OPCML: variants seen among roughly 807,000 people sequenced by gnomAD.
The protein encoded by OPCML is opioid binding protein/cell adhesion molecule like, also known as opioid-binding protein/cell adhesion molecule.
In OPCML, 13 loss-of-function variants were observed where a neutral mutation model predicts 37.8. That is an observed-to-expected ratio of 0.34 (90% CI 0.22 to 0.55). The LOEUF is 0.55. Among genes scored for constraint, OPCML ranks in the 20% least tolerant of loss-of-function variants. The probability of loss-of-function intolerance (pLI) is 0.91; values close to 1 mark genes in which losing one functional copy is unlikely to be tolerated. For missense variants in OPCML, 341 were observed against 435.6 expected, an observed-to-expected ratio of 0.78 and a Z score of 1.93; for synonymous variants, 176 against 168.8, an observed-to-expected ratio of 1.04 and a Z score of -0.33.
chr11:133,134,593 G>C (rs1011718162), intron 1 of OPCML, among the ~76,000 whole-genome samples: 3 of 152,216 alleles, frequency 2.0e-5, no homozygotes, highest in African/African-American at 7.2e-5. Flanking sequence ...CTCTCTTCCT[G>C]CTGCGTCGCC....
At chr11:132,809,964 C>G (rs1383211746) in intron 2 of OPCML, among the ~76,000 whole-genome samples, 1 of 152,202 alleles carries the variant, frequency 6.6e-6, no homozygotes. Context: ...ATTCTCCTGC[C>G]TCAGCCTCCC....
intron 1 of OPCML, among the ~76,000 whole-genome samples, chr11:133,138,382 G>A (rs1313485181): frequency 1.8e-4 from 27 of 152,148 alleles, no homozygotes; most frequent in Admixed American, 1.8e-3. Flanking sequence ...AAGACAAGGG[G>A]TACCTCTGTT....
intron 2 of OPCML, among the ~76,000 whole-genome samples, chr11:132,691,764 T>C (rs1943414691): frequency 6.6e-6 from 1 of 152,260 alleles, no homozygotes; most frequent in Non-Finnish European, 1.5e-5. Flanking sequence ...TGTCATGATT[T>C]AAATGTTCAT....
intron 1 of OPCML, among the ~76,000 whole-genome samples, chr11:133,044,295 C>A (rs1024265392): frequency 6.6e-6 from 1 of 152,098 alleles, no homozygotes; most frequent in South Asian, 2.1e-4. Context: ...AGATTCGAGG[C>A]AAAGGATTTC....
intron 2 of OPCML, among the ~76,000 whole-genome samples, chr11:132,898,217 C>T (rs192232103): frequency 1.3e-3 from 191 of 152,318 alleles, no homozygotes; most frequent in Non-Finnish European, 2.2e-3. Context: ...CAGCCAGCTA[C>T]GTGGTGGCAA....
chr11:133,015,363 GGGAGGAAT>G (rs1947301499), intron 1 of OPCML, among the ~76,000 whole-genome samples: 1 of 140,576 alleles, frequency 7.1e-6, no homozygotes, highest in South Asian at 2.3e-4. Flanking sequence ...GAGGAAGGAA[GGGAGGAAT>G]GAAGGAAGGA....
At chr11:132,663,070 A>G (rs560673025) in intron 2 of OPCML, among the ~76,000 whole-genome samples, 2 of 152,350 alleles carry the variant, frequency 1.3e-5, no homozygotes, top group Admixed American at 1.3e-4. Context: ...TTAAATCTCT[A>G]ATTCAGACTC....
At chr11:132,850,204 G>A (rs771439400) in intron 2 of OPCML, among the ~76,000 whole-genome samples, 32 of 152,164 alleles carry the variant, frequency 2.1e-4, no homozygotes, top group Non-Finnish European at 4.3e-4. Flanking sequence ...GTGTCCATCA[G>A]GATGTGCATC....
intron 3 of OPCML, among the ~76,000 whole-genome samples, chr11:132,592,521 T>C (rs61109203): frequency 0.03 from 4,534 of 152,300 alleles, 246 homozygotes; most frequent in African/African-American, 0.1. Flanking sequence ...GCCAAGACTT[T>C]GAGCTGTCTG....
chr11:133,353,556 C>A (rs927879533), intron 1 of OPCML, among the ~76,000 whole-genome samples: 1 of 152,134 alleles, frequency 6.6e-6, no homozygotes, highest in African/African-American at 2.4e-5. Flanking sequence ...TTGATGGGGG[C>A]CACAGAAACA....
intron 1 of OPCML, chr11:133,006,307 T>C (rs1947111456): frequency 3.7e-6 from 2 of 546,826 alleles, no homozygotes; most frequent in Admixed American, 6.4e-5. Context: ...CCTGTTTCCC[T>C]TTTTCTTCCT....
intron 2 of OPCML, among the ~76,000 whole-genome samples, chr11:132,835,680 C>T (rs1940963094): frequency 6.6e-6 from 1 of 152,208 alleles, no homozygotes; most frequent in Admixed American, 6.5e-5. Flanking sequence ...CTAGAAGAGG[C>T]CCTAACACAC....
At chr11:132,779,636 G>A (rs1946928844) in intron 2 of OPCML, among the ~76,000 whole-genome samples, 3 of 152,040 alleles carry the variant, frequency 2.0e-5, no homozygotes, top group Admixed American at 2.0e-4. Flanking sequence ...AGCTGGGTGA[G>A]AGCTCAGGAC....
rs1371213079 is a variant in OPCML, at chr11:133,205,651, A to T, written c.62-262641T>A. ...GTGTGTGGGGAAAAATTTCTCACTCATCTGATGTCAGAAGTGTTGCGTTGC... is the reference window on the plus strand; with the variant it reads ...GTGTGTGGGGAAAAATTTCTCACTCTTCTGATGTCAGAAGTGTTGCGTTGC... On this transcript the variant is annotated intron_variant, in intron 1 of 7. Coordinates refer to ENST00000524381, the MANE Select transcript of OPCML (RefSeq NM_001012393.5). This position sits in a 1 kb window ranked among gnomAD's most constrained non-coding sequence, Gnocchi z 4.8. Among the ~76,000 whole-genome samples, 3 of 152,194 alleles carry T rather than the reference A, an allele frequency of 2.0e-5. No individual in the cohort carries two copies. The highest frequency in any genetic ancestry group is 7.2e-5 in the African/African-American group (3 of 41,458).
At chr11:132,762,727 C>T (rs1361768057) in intron 2 of OPCML, among the ~76,000 whole-genome samples, 1 of 152,160 alleles carries the variant, frequency 6.6e-6, no homozygotes, top group Non-Finnish European at 1.5e-5. Flanking sequence ...AATTTCAACC[C>T]AGTGAATCAT....
chr11:132,835,527 T>C (rs1358220564), intron 2 of OPCML, among the ~76,000 whole-genome samples: 1 of 152,164 alleles, frequency 6.6e-6, no homozygotes, highest in Non-Finnish European at 1.5e-5. Flanking sequence ...CTGTTCTCAG[T>C]TTGCTTTTTC....
intron 1 of OPCML, among the ~76,000 whole-genome samples, chr11:133,204,038 G>A (rs1276610168): frequency 1.6e-5 from 2 of 122,936 alleles, no homozygotes; most frequent in African/African-American, 3.1e-5. Context: ...AGCCTGGGGG[G>A]ACAGAGCGAG....
chr11:132,843,765 G>A lies in OPCML; in HGVS notation c.146+99161C>T, dbSNP rs555480929. Reference sequence around the variant, plus strand: ...TCTATCATCACTGCGAAGGACAGGCGAATGCTGCCGATTGTACCTGACCAC... The same window carrying A: ...TCTATCATCACTGCGAAGGACAGGCAAATGCTGCCGATTGTACCTGACCAC... On this transcript the variant is annotated intron_variant, in intron 2 of 7. Coordinates refer to ENST00000524381, the MANE Select transcript of OPCML (RefSeq NM_001012393.5). Among the ~76,000 whole-genome samples, 18 of 152,346 alleles carry A rather than the reference G, an allele frequency of 1.2e-4. No individual in the cohort carries two copies. In the East Asian group the frequency reaches 1.9e-3, roughly 16 times the overall value.
intron 3 of OPCML, among the ~76,000 whole-genome samples, chr11:132,550,118 T>C (rs4937709): frequency 0.083 from 12,604 of 152,202 alleles, 873 homozygotes; most frequent in African/African-American, 0.19. Flanking sequence ...TCTGGTAACA[T>C]GACAGCTGAG....
Sources: gnomAD v4.1 joint callset for allele counts (sites outside exome capture counted in the v4.1 genomes callset) on GRCh38, gnomAD v4.1.1 for gene constraint, Gnocchi (gnomAD v3.1) non-coding constraint, MANE v1.5 for transcripts, NCBI Gene and HGNC (gene_info 2026-07-23, HGNC 2026-07-21) for gene names.